The following BET1 variants were observed in gnomAD, a reference collection of about 807,000 sequenced individuals.
BET1 encodes the protein Bet1 golgi vesicular membrane trafficking protein, also known as BET1 homolog.
A neutral mutation model predicts 13.9 loss-of-function variants in BET1; 9 were observed. That is an observed-to-expected ratio of 0.65 (90% CI 0.39 to 1.13). BET1 has a LOEUF of 1.13. BET1 is among the 50% of genes most tolerant of loss of function. The pLI, the probability that BET1 is intolerant of heterozygous loss-of-function variation, is 0.01. For synonymous variants in BET1, 39 were observed against 47.3 expected (o/e 0.82, Z 0.72); for missense variants, 127 against 133.6 (o/e 0.95, Z 0.24).
chr7:93,963,743 C>T (rs1795133423), exon 7 of BET1: 1 of 152,036 alleles, frequency 6.6e-6, no homozygotes, highest in South Asian at 2.1e-4. Flanking sequence ...TGGGCTTCTA[C>T]TTTATTTGTT....
chr7:93,975,266 G>A (rs190560992), intron 5 of BET1, among the ~76,000 whole-genome samples: 297 of 152,078 alleles, frequency 2.0e-3, no homozygotes, highest in South Asian at 0.011. Context: ...TAACTTCTTG[G>A]TTTTGACCAT....
At chr7:93,991,740 T>G (rs1045886353), downstream of BET1, 1 of 917,916 alleles carries the variant, frequency 1.1e-6, no homozygotes, top group Admixed American at 6.2e-5. Flanking sequence ...TGTAACTTCA[T>G]AGCCTTTGGT....
chr7:93,992,423 G>A, downstream of BET1: 1 of 985,160 alleles, frequency 1.0e-6, no homozygotes, highest in Non-Finnish European at 1.2e-6. Flanking sequence ...TTCCATTGTT[G>A]ATTCTCCTGT....
intron 5 of BET1, among the ~76,000 whole-genome samples, chr7:93,974,780 A>G (rs1167474671): frequency 6.6e-6 from 1 of 152,022 alleles, no homozygotes; most frequent in Admixed American, 6.6e-5. Context: ...TTTGAGGAGA[A>G]ATAATATTTG....
downstream of BET1, among the ~76,000 whole-genome samples, chr7:93,990,133 T>G (rs1276915349): frequency 6.6e-6 from 1 of 151,882 alleles, no homozygotes; most frequent in African/African-American, 2.4e-5. Context: ...ATTAACATAT[T>G]AAAAGATCTT....
At chr7:93,965,028 A>C (rs1188391848) in exon 7 of BET1, 1 of 152,092 alleles carries the variant, frequency 6.6e-6, no homozygotes, top group East Asian at 1.9e-4. Flanking sequence ...CTTTTTAAAG[A>C]GTTTCTCATC....
intron 4 of BET1, among the ~76,000 whole-genome samples, chr7:93,987,592 G>C (rs762678025): frequency 2.0e-5 from 3 of 152,124 alleles, no homozygotes; most frequent in East Asian, 1.9e-4. Flanking sequence ...TGCTTCTAGA[G>C]TAGCCCCGGG....
At chr7:93,982,215 TATAG>T (rs1795440723) in intron 4 of BET1, among the ~76,000 whole-genome samples, 1 of 152,114 alleles carries the variant, frequency 6.6e-6, no homozygotes, top group Non-Finnish European at 1.5e-5. Context: ...CTGCTTGAAA[TATAG>T]ATATATAGAT....
chr7:94,004,345 A>G lies in BET1; in HGVS notation c.-129T>C, dbSNP rs1795984114. 1 of 1,297,342 alleles carries G rather than the reference A, an allele frequency of 7.7e-7. No individual in the cohort carries two copies. Among genetic ancestry groups the G allele is most frequent in the East Asian group, 2.3e-5 (1 of 42,840 alleles). 80.4% of individuals were successfully genotyped at this position (1,297,342 alleles called of 1,614,324 possible). A position where few individuals can be genotyped will look rare whatever the true frequency, so the allele number is the denominator to read the frequency against. The stretch of plus-strand genomic sequence containing the variant: ...CACCAACTTCTTCCCCTAAAGCGCC[A>G]CGACATCAGTGGAGTCTAAACACCG... On this transcript the variant is annotated 5_prime_UTR_variant, in exon 1 of 4. Coordinates refer to ENST00000222547, the MANE Select transcript of BET1 (RefSeq NM_005868.6).
At chr7:94,003,591 C>G (rs1208094257) in intron 1 of BET1, among the ~76,000 whole-genome samples, 1 of 152,124 alleles carries the variant, frequency 6.6e-6, no homozygotes, top group Non-Finnish European at 1.5e-5. Flanking sequence ...AGTTTCCTAA[C>G]CCCAAAGGTA....
exon 7 of BET1, chr7:93,964,444 T>G (rs1283957773): frequency 6.6e-6 from 1 of 152,096 alleles, no homozygotes; most frequent in Non-Finnish European, 1.5e-5. Flanking sequence ...AGGATATGAT[T>G]TCATTCTTTT....
intron 5 of BET1, among the ~76,000 whole-genome samples, chr7:93,973,891 A>T (rs1795297901): frequency 6.6e-6 from 1 of 152,104 alleles, no homozygotes; most frequent in Non-Finnish European, 1.5e-5. Context: ...GAGGTGTAAA[A>T]GAAGAACTAA....
At chr7:93,979,543 A>C (rs984279036) in intron 4 of BET1, among the ~76,000 whole-genome samples, 1 of 152,066 alleles carries the variant, frequency 6.6e-6, no homozygotes, top group Non-Finnish European at 1.5e-5. Flanking sequence ...CACATCAGCA[A>C]CCACATATGA....
intron 4 of BET1, among the ~76,000 whole-genome samples, chr7:93,985,092 T>C (rs1795500986): frequency 6.6e-6 from 1 of 152,156 alleles, no homozygotes; most frequent in African/African-American, 2.4e-5. Flanking sequence ...CTCTCACCTC[T>C]ATATCTCTGC....
chr7:93,966,831 C>T (rs1795181192), intron 6 of BET1, among the ~76,000 whole-genome samples: 1 of 151,766 alleles, frequency 6.6e-6, no homozygotes. Context: ...TTCCCTGGGA[C>T]TTCTCTACCT....
intron 3 of BET1, among the ~76,000 whole-genome samples, chr7:93,995,126 G>A (rs1174292752): frequency 6.6e-6 from 1 of 152,218 alleles, no homozygotes; most frequent in Non-Finnish European, 1.5e-5. Flanking sequence ...GAGTATAGGC[G>A]TGAGCTACCA....
intron 3 of BET1, 67 bp downstream of exon 3, chr7:93,996,198 A>T: frequency 8.4e-7 from 1 of 1,193,356 alleles, no homozygotes; most frequent in Non-Finnish European, 1.2e-6. Context: ...AAATGAATAA[A>T]AGTTGAAATT....
At chr7:93,979,371 A>G in intron 4 of BET1, among the ~76,000 whole-genome samples, 1 of 152,164 alleles carries the variant, frequency 6.6e-6, no homozygotes, top group East Asian at 1.9e-4. Context: ...GTATAAAAGT[A>G]TATTTTTATT....
chr7:93,971,945 A>G lies in BET1; in HGVS notation c.*137+630T>C, dbSNP rs1795264437. On this transcript the variant is annotated intron_variant and NMD_transcript_variant, in intron 6 of 6. Coordinates refer to the BET1 transcript ENST00000357520. The stretch of plus-strand genomic sequence containing the variant: ...CCAGAAACTGCAAGCTTAAAAAAAA[A>G]AAAGCCATTGGATATGAAAAAAGAA... Among the ~76,000 whole-genome samples the G allele has an allele frequency of 3.3e-5, 5 of 151,628 alleles. No individual in the cohort carries two copies. The South Asian group carries it at 1.0e-3, about 31-fold the overall frequency.
Sources: gnomAD v4.1 joint callset for allele counts (sites outside exome capture counted in the v4.1 genomes callset) on GRCh38, gnomAD v4.1.1 for gene constraint, MANE v1.5 for transcripts, NCBI Gene and HGNC (gene_info 2026-07-23, HGNC 2026-07-21) for gene names.